Variants in GRM8 observed in about 807,000 individuals in gnomAD.
GRM8 encodes the protein metabotropic glutamate receptor 8.
A neutral mutation model predicts 87.2 loss-of-function variants in GRM8; 47 were observed. That is an observed-to-expected ratio of 0.54 (90% CI 0.43 to 0.69). GRM8 has a LOEUF of 0.69. GRM8 is among the 30% of genes least tolerant of loss of function. The pLI is 0.00. For synonymous variants in GRM8, 396 were observed against 404.5 expected, an observed-to-expected ratio of 0.98 and a Z score of 0.25; for missense variants, 1,019 against 1,139.2, an observed-to-expected ratio of 0.89 and a Z score of 1.52.
At chr7:127,232,899 G>C (rs754095194) in intron 2 of GRM8, among the ~76,000 whole-genome samples, 2 of 151,970 alleles carry the variant, frequency 1.3e-5, no homozygotes, top group African/African-American at 4.8e-5. Flanking sequence ...GTGCAGTGGC[G>C]CGATCTTGGC....
chr7:127,182,957 G>A (rs929947763), intron 2 of GRM8, among the ~76,000 whole-genome samples: 7 of 151,600 alleles, frequency 4.6e-5, no homozygotes, highest in South Asian at 4.2e-4. Flanking sequence ...TATACTGCTC[G>A]GGTGATGGAT....
intron 6 of GRM8, among the ~76,000 whole-genome samples, chr7:126,805,464 A>T (rs963371736): frequency 1.3e-4 from 20 of 152,190 alleles, no homozygotes; most frequent in Admixed American, 5.9e-4. Flanking sequence ...ACCTCCACTT[A>T]TTCTGCTTTG....
chr7:127,032,747 A>C (rs942568668), intron 3 of GRM8, among the ~76,000 whole-genome samples: 1 of 152,148 alleles, frequency 6.6e-6, no homozygotes, highest in Non-Finnish European at 1.5e-5. Flanking sequence ...CCCAGTATGG[A>C]TCTCTTCCAG....
intron 9 of GRM8, among the ~76,000 whole-genome samples, chr7:126,498,849 T>C (rs73447016): frequency 6.6e-6 from 1 of 151,978 alleles, no homozygotes; most frequent in Non-Finnish European, 1.5e-5. Flanking sequence ...ATTACGTATT[T>C]ATCTTGCATT....
At chr7:126,453,480 G>A (rs1298259314) in intron 9 of GRM8, among the ~76,000 whole-genome samples, 1 of 151,714 alleles carries the variant, frequency 6.6e-6, no homozygotes, top group African/African-American at 2.4e-5. Context: ...CCTCCTGTGA[G>A]GTCTTTCTGA....
At chr7:126,932,503 AG>A (rs1263871976) in intron 3 of GRM8, among the ~76,000 whole-genome samples, 1 of 152,214 alleles carries the variant, frequency 6.6e-6, no homozygotes, top group Non-Finnish European at 1.5e-5. Flanking sequence ...ATCAACACAC[AG>A]GATTCTGAGA....
At chr7:126,574,023 T>A (rs974709648) in intron 8 of GRM8, among the ~76,000 whole-genome samples, 32 of 152,134 alleles carry the variant, frequency 2.1e-4, no homozygotes, top group African/African-American at 7.5e-4. Context: ...GGTCCAAAGG[T>A]CTGGAGAAGT....
At position 126,498,182 on chromosome 7, in the gene GRM8, G is replaced by A. The variant is rs144599623; in HGVS notation, c.2430+34770C>T. On this transcript the variant is annotated intron_variant, in intron 9 of 10. Transcript: ENST00000339582. Reference sequence around the variant, plus strand: ...AAAGACATAGGAGAGCTGTGTATACGGAGGGACAGCTTTGCATATTGAAGC... The same window carrying A: ...AAAGACATAGGAGAGCTGTGTATACAGAGGGACAGCTTTGCATATTGAAGC... 2.6e-3 allele frequency among the ~76,000 whole-genome samples: 391 copies of A among 152,008 alleles called. 3 individuals carry two copies. The highest frequency in any genetic ancestry group is 9.1e-3 in the African/African-American group (377 of 41,538).
intron 8 of GRM8, among the ~76,000 whole-genome samples, chr7:126,589,293 TGA>T (rs923347289): frequency 6.6e-6 from 1 of 152,036 alleles, no homozygotes; most frequent in African/African-American, 2.4e-5. Flanking sequence ...GGAGGCACAG[TGA>T]GAGTGAGACT....
intron 7 of GRM8, among the ~76,000 whole-genome samples, chr7:126,664,085 G>T (rs1372222559): frequency 1.3e-5 from 2 of 152,072 alleles, no homozygotes; most frequent in Non-Finnish European, 2.9e-5. Flanking sequence ...TTTAACCTAG[G>T]AGGTGAAATA....
chr7:127,085,173 T>C (rs1232666370), intron 3 of GRM8, among the ~76,000 whole-genome samples: 1 of 152,244 alleles, frequency 6.6e-6, no homozygotes, highest in Non-Finnish European at 1.5e-5. Context: ...TAGTATTCCA[T>C]GGTGTATATG....
At chr7:127,181,919 T>C (rs534323948) in intron 2 of GRM8, among the ~76,000 whole-genome samples, 2 of 152,152 alleles carry the variant, frequency 1.3e-5, no homozygotes, top group Non-Finnish European at 2.9e-5. Context: ...AAAACCCTTC[T>C]AGACATTGGC....
chr7:126,822,983 C>A (rs1794442748), intron 6 of GRM8, among the ~76,000 whole-genome samples: 1 of 152,152 alleles, frequency 6.6e-6, no homozygotes, highest in Non-Finnish European at 1.5e-5. Flanking sequence ...GGAACAGATC[C>A]CCCAACCAAC....
intron 6 of GRM8, among the ~76,000 whole-genome samples, chr7:126,857,598 A>T (rs1409829702): frequency 6.6e-6 from 1 of 152,188 alleles, no homozygotes; most frequent in Non-Finnish European, 1.5e-5. Flanking sequence ...TTGGAGCAAC[A>T]CGTGTCAGGT....
intron 1 of GRM8, among the ~76,000 whole-genome samples, chr7:127,248,937 G>A (rs923305200): frequency 2.0e-5 from 3 of 152,156 alleles, no homozygotes; most frequent in Non-Finnish European, 4.4e-5. Context: ...AAAACTAAAG[G>A]TCATGGACAC....
intron 9 of GRM8, among the ~76,000 whole-genome samples, chr7:126,500,497 C>A (rs562140231): frequency 3.9e-4 from 59 of 152,062 alleles, no homozygotes; most frequent in Admixed American, 2.6e-3. Context: ...TGTACCTCCC[C>A]ATAAGAACTG....
chr7:126,904,479 T>C (rs746264231), intron 4 of GRM8, 69 bp downstream of exon 4: 16 of 1,433,772 alleles, frequency 1.1e-5, no homozygotes, highest in Non-Finnish European at 1.6e-5. Flanking sequence ...ATGTTGAACA[T>C]GAAATATGTT....
At chr7:126,815,139 C>T (rs1035848534) in intron 6 of GRM8, among the ~76,000 whole-genome samples, 1 of 152,096 alleles carries the variant, frequency 6.6e-6, no homozygotes, top group South Asian at 2.1e-4. Flanking sequence ...TTGGTTCCAA[C>T]CTCATGTCAT....
chr7:126,548,544 C>G (rs1018209452), intron 8 of GRM8, among the ~76,000 whole-genome samples: 2 of 152,012 alleles, frequency 1.3e-5, no homozygotes, highest in African/African-American at 4.8e-5. Context: ...ACAGGTGACA[C>G]AGTTATGAGC....
Sources: gnomAD v4.1 joint callset for allele counts (sites outside exome capture counted in the v4.1 genomes callset) on GRCh38, gnomAD v4.1.1 for gene constraint, MANE v1.5 for transcripts, NCBI Gene and HGNC (gene_info 2026-07-23, HGNC 2026-07-21) for gene names.